Variants in PPP1CC observed in about 807,000 individuals in gnomAD.
The protein encoded by PPP1CC is serine/threonine-protein phosphatase PP1-gamma catalytic subunit.
A neutral mutation model predicts 38.4 loss-of-function variants in PPP1CC; 16 were observed. That is an observed-to-expected ratio of 0.42 (90% CI 0.28 to 0.63). The LOEUF is 0.63. Ranked by LOEUF, PPP1CC falls within the 30% of genes least tolerant of loss-of-function variation. The pLI is 0.25. For synonymous variants in PPP1CC, 158 were observed against 136.0 expected, an observed-to-expected ratio of 1.16 and a Z score of -1.13; for missense variants, 170 against 391.3, an observed-to-expected ratio of 0.43 and a Z score of 4.77.
the PPP1CC span, among the ~76,000 whole-genome samples, chr12:110,709,932 AAATAATAATAATAATAATAATAAT>A: frequency 7.7e-5 from 11 of 142,070 alleles, no homozygotes; most frequent in South Asian, 2.2e-4. Flanking sequence ...AAAAACTCCA[AAATAATAATAATAATAATAATAAT>A]AATAATAATA....
Position 110,720,214 on chromosome 12 carries a change from G to GC in PPP1CC, c.*861_*862insG. On this transcript the variant is annotated 3_prime_UTR_variant, in exon 7 of 7. Transcript: ENST00000335007. Reference sequence around the variant, plus strand: ...TTCAGGCCTGATGCAACTGTAAAAAGATTACTTAATGAATAGACTATATGG... The same window carrying GC: ...TTCAGGCCTGATGCAACTGTAAAAAGCATTACTTAATGAATAGACTATATGG... The GC allele has an allele frequency of 6.5e-7, 1 of 1,541,874 alleles. No individual in the cohort carries two copies. The highest frequency in any genetic ancestry group is 8.7e-7 in the Non-Finnish European group (1 of 1,148,176).
chr12:110,714,922 G>A (rs753579279), downstream of PPP1CC, among the ~76,000 whole-genome samples: 1 of 149,478 alleles, frequency 6.7e-6, no homozygotes, highest in Admixed American at 6.7e-5. Flanking sequence ...AATGAGCAAA[G>A]CCCCATCAGA....
rs2069744841 is a variant in PPP1CC at position 110,722,068 on chromosome 12, A to C, written c.882+67T>G. On this transcript the variant is annotated intron_variant, in intron 6 of 6. Coordinates refer to ENST00000335007, the MANE Select transcript of PPP1CC (RefSeq NM_002710.4). The surrounding 1 kb of genome is among the most constrained non-coding windows in gnomAD (Gnocchi z 5.4). ...AAGTGAACACTAGGCAAAAAGTAGC[A>C]ATTATATTTTTCAATCAGCAAAGTG... is the stretch of plus-strand genomic sequence containing the variant. The C allele has an allele frequency of 1.9e-6, 3 of 1,595,582 alleles. No individual in the cohort carries two copies. Among genetic ancestry groups the C allele is most frequent in the Non-Finnish European group, 2.6e-6 (3 of 1,167,766 alleles).
At chr12:110,723,659 A>C (rs1198538635) in intron 4 of PPP1CC, among the ~76,000 whole-genome samples, 1 of 152,134 alleles carries the variant, frequency 6.6e-6, no homozygotes, top group Non-Finnish European at 1.5e-5. Context: ...ACAGGTGTGC[A>C]CCATTACACC....
chr12:110,740,675 C>T (rs1043953018), intron 1 of PPP1CC, among the ~76,000 whole-genome samples: 1 of 152,008 alleles, frequency 6.6e-6, no homozygotes, highest in African/African-American at 2.4e-5. Context: ...TTTCAAGTGC[C>T]ACATAACAAG....
At chr12:110,728,137 C>T (rs1363801490) in intron 3 of PPP1CC, among the ~76,000 whole-genome samples, 2 of 152,204 alleles carry the variant, frequency 1.3e-5, no homozygotes, top group Non-Finnish European at 2.9e-5. Context: ...CGGTGGCTCA[C>T]GCCTGTAATC....
At chr12:110,725,401 C>A (rs1299209056) in intron 3 of PPP1CC, 2 of 152,274 alleles carry the variant, frequency 1.3e-5, no homozygotes, top group Non-Finnish European at 2.9e-5. Flanking sequence ...CCTACTGACA[C>A]CAGAGGATCC....
Position 110,720,216 on chromosome 12 carries a change from T to TG in PPP1CC, c.*859_*860insC. 6.5e-7 allele frequency: 1 copy of TG among 1,539,300 alleles called. No homozygotes were observed. The highest frequency in any genetic ancestry group is 8.7e-7 in the Non-Finnish European group (1 of 1,146,244). On this transcript the variant is annotated 3_prime_UTR_variant, in exon 7 of 7. Transcript: ENST00000335007. Reference sequence around the variant, plus strand: ...CAGGCCTGATGCAACTGTAAAAAGATTACTTAATGAATAGACTATATGGAA... The same window carrying TG: ...CAGGCCTGATGCAACTGTAAAAAGATGTACTTAATGAATAGACTATATGGAA...
chr12:110,732,940 T>C (rs768971538), intron 1 of PPP1CC: 31 of 152,200 alleles, frequency 2.0e-4, no homozygotes, highest in Non-Finnish European at 3.7e-4. Flanking sequence ...AGTTATAAAG[T>C]TCACTTTTGG....
intron 3 of PPP1CC, among the ~76,000 whole-genome samples, chr12:110,727,977 G>GA (rs1410974532): frequency 6.6e-6 from 1 of 152,118 alleles, no homozygotes; most frequent in Admixed American, 6.6e-5. Context: ...AGTAGAAACC[G>GA]AAACTGATGC....
chr12:110,716,822 T>C (rs963608990), downstream of PPP1CC, among the ~76,000 whole-genome samples: 4 of 152,244 alleles, frequency 2.6e-5, no homozygotes, highest in Middle Eastern at 3.2e-3. Flanking sequence ...AACAAGTCCG[T>C]TGGAGCTACA....
At position 110,720,809 on chromosome 12, in the gene PPP1CC, TGGG is replaced by T. The variant is rs1442077601; in HGVS notation, c.*264_*266del. Reference sequence around the variant, plus strand: ...ACTCCTCAGACAGGATAAACTGTCCTGGGGTGTACAGCTTTAACACCATCATTA... The same window carrying T: ...ACTCCTCAGACAGGATAAACTGTCCTGTGTACAGCTTTAACACCATCATTA... On this transcript the variant is annotated 3_prime_UTR_variant, in exon 7 of 7. Transcript: ENST00000335007. The T allele has an allele frequency of 8.8e-6, 3 of 342,628 alleles. No homozygotes were observed. The highest frequency in any genetic ancestry group is 6.3e-5 in the African/African-American group (3 of 47,338). 21.2% of individuals were successfully genotyped at this position (342,628 alleles called of 1,614,324 possible).
downstream of PPP1CC, among the ~76,000 whole-genome samples, chr12:110,715,873 G>C (rs2069683241): frequency 6.6e-6 from 1 of 150,674 alleles, no homozygotes; most frequent in Admixed American, 6.6e-5. Flanking sequence ...TGCCTGCCTT[G>C]GCCTCCCAAA....
At chr12:110,735,323 C>T (rs1466611577) in intron 1 of PPP1CC, among the ~76,000 whole-genome samples, 1 of 152,114 alleles carries the variant, frequency 6.6e-6, no homozygotes, top group African/African-American at 2.4e-5. Flanking sequence ...CTTTATATTG[C>T]CATTCAATCC....
chr12:110,740,275 T>C (rs560033803), intron 1 of PPP1CC, among the ~76,000 whole-genome samples: 16 of 152,200 alleles, frequency 1.1e-4, no homozygotes, highest in African/African-American at 3.9e-4. Flanking sequence ...AAAAAGGTTT[T>C]GGGGGCATTA....
chr12:110,708,482 T>C, the PPP1CC span, among the ~76,000 whole-genome samples: 1 of 152,188 alleles, frequency 6.6e-6, no homozygotes, highest in Non-Finnish European at 1.5e-5. Flanking sequence ...GGCAAAACAA[T>C]TTTCTCCTGA....
intron 3 of PPP1CC, chr12:110,725,506 G>GA (rs2069787749): frequency 6.6e-6 from 1 of 152,288 alleles, no homozygotes; most frequent in South Asian, 2.1e-4. Flanking sequence ...ACACTGCACA[G>GA]ACTCCACATG....
the PPP1CC span, among the ~76,000 whole-genome samples, chr12:110,710,852 C>T: frequency 6.6e-6 from 1 of 151,246 alleles, no homozygotes; most frequent in African/African-American, 2.4e-5. Flanking sequence ...GGCAACAAGG[C>T]AAGACCCTGT....
At chr12:110,735,870 G>C (rs1279394856) in intron 1 of PPP1CC, among the ~76,000 whole-genome samples, 6 of 151,998 alleles carry the variant, frequency 3.9e-5, no homozygotes, top group Admixed American at 2.0e-4. Flanking sequence ...TTCGAGACCA[G>C]CCTGGCCAAC....
Sources: allele counts gnomAD v4.1 joint callset (sites outside exome capture counted in the v4.1 genomes callset), GRCh38; gene constraint gnomAD v4.1.1; non-coding constraint Gnocchi (gnomAD v3.1); transcripts MANE v1.5; gene names NCBI Gene and HGNC (gene_info 2026-07-23, HGNC 2026-07-21).